Variants in RAB7A observed in about 807,000 individuals in gnomAD.
The protein encoded by RAB7A is RAB7A, member RAS oncogene family.
A neutral mutation model predicts 24.5 loss-of-function variants in RAB7A; 2 were observed. The ratio of observed to expected loss-of-function variants is 0.08; its 90% CI spans 0.03 to 0.26. The LOEUF (loss-of-function observed/expected upper bound fraction) is 0.26. RAB7A is among the 10% of genes least tolerant of loss of function. The probability of loss-of-function intolerance (pLI) is 1.00; values close to 1 mark genes in which losing one functional copy is unlikely to be tolerated. For synonymous variants in RAB7A, 100 were observed against 95.9 expected (o/e 1.04, Z -0.25); for missense variants, 118 against 255.7 (o/e 0.46, Z 3.67).
At chr3:128,755,404 A>G (rs2070721089) in intron 1 of RAB7A, among the ~76,000 whole-genome samples, 1 of 152,206 alleles carries the variant, frequency 6.6e-6, no homozygotes, top group Non-Finnish European at 1.5e-5. Flanking sequence ...CATTAAAAAA[A>G]GGATGAAGAT....
At chr3:128,792,129 G>A (rs1192158295) in intron 1 of RAB7A, among the ~76,000 whole-genome samples, 1 of 152,224 alleles carries the variant, frequency 6.6e-6, no homozygotes, top group Non-Finnish European at 1.5e-5. Flanking sequence ...TAGACATTAA[G>A]ACGTAAGGTG....
intron 1 of RAB7A, among the ~76,000 whole-genome samples, chr3:128,754,973 G>A (rs2070717103): frequency 6.6e-6 from 1 of 152,138 alleles, no homozygotes; most frequent in East Asian, 1.9e-4. Context: ...GGTAAGTAGG[G>A]AAATAGAATA....
chr3:128,732,301 G>A (rs138086313), intron 1 of RAB7A, among the ~76,000 whole-genome samples: 8,083 of 151,788 alleles, frequency 0.053, 225 homozygotes, highest in Non-Finnish European at 0.058. Context: ...GCCTCCCAAG[G>A]TGCTGGGATT....
chr3:128,802,665 G>A (rs12497923), intron 3 of RAB7A, among the ~76,000 whole-genome samples: 65,021 of 151,172 alleles, frequency 0.43, 16,833 homozygotes, highest in Non-Finnish European at 0.58. Context: ...GTGCCACCAC[G>A]CCCAGCTAAT....
intron 1 of RAB7A, among the ~76,000 whole-genome samples, chr3:128,770,005 C>CTTTTTTTT (rs766245243): frequency 7.1e-6 from 1 of 140,776 alleles, no homozygotes. Flanking sequence ...TTCCTTTTTT[C>CTTTTTTTT]TTTTTTTTTT....
intron 1 of RAB7A, chr3:128,765,095 G>C (rs1196715209): frequency 1.2e-6 from 1 of 823,696 alleles, no homozygotes; most frequent in Non-Finnish European, 2.0e-6. Flanking sequence ...TGGTCCGAGG[G>C]TGCAGTGAAG....
chr3:128,770,232 A>G (rs1336227592), intron 1 of RAB7A, among the ~76,000 whole-genome samples: 1 of 151,820 alleles, frequency 6.6e-6, no homozygotes, highest in South Asian at 2.1e-4. Flanking sequence ...CGAACTCCTG[A>G]CCTTGTGATC....
chr3:128,786,449 TCACTCTGAGCCTTG>T (rs1223375050), intron 1 of RAB7A, among the ~76,000 whole-genome samples: 3 of 152,170 alleles, frequency 2.0e-5, no homozygotes, highest in African/African-American at 7.2e-5. Flanking sequence ...CTTGCCTACT[TCACTCTGAGCCTTG>T]AAGTCAATCA....
intron 1 of RAB7A, among the ~76,000 whole-genome samples, chr3:128,784,780 C>T (rs981438120): frequency 5.9e-5 from 9 of 152,130 alleles, no homozygotes; most frequent in Non-Finnish European, 1.3e-4. Flanking sequence ...TTAAAGTAAA[C>T]TTAACACGTC....
At chr3:128,768,097 C>A (rs1001673878) in intron 1 of RAB7A, among the ~76,000 whole-genome samples, 2 of 152,136 alleles carry the variant, frequency 1.3e-5, no homozygotes, top group Non-Finnish European at 2.9e-5. Context: ...CTTCCTTACC[C>A]CTCTCCAGGT....
intron 1 of RAB7A, among the ~76,000 whole-genome samples, chr3:128,778,154 G>A (rs926974714): frequency 1.3e-5 from 2 of 152,190 alleles, no homozygotes; most frequent in Non-Finnish European, 2.9e-5. Flanking sequence ...CCTTAGAATT[G>A]TTTAGACCAA....
chr3:128,759,234 TTAAG>T (rs1272599891), intron 1 of RAB7A, among the ~76,000 whole-genome samples: 3 of 152,194 alleles, frequency 2.0e-5, no homozygotes, highest in Admixed American at 6.5e-5. Context: ...AGGAATAAGA[TTAAG>T]TAAACTGTGT....
intron 1 of RAB7A, among the ~76,000 whole-genome samples, chr3:128,786,551 G>A (rs1243088979): frequency 6.6e-6 from 1 of 152,146 alleles, no homozygotes; most frequent in Non-Finnish European, 1.5e-5. Context: ...AAAATGAGAT[G>A]GACAGAGAGA....
chr3:128,744,206 T>TCACATCACTGCACTC (rs1458650028), intron 1 of RAB7A, among the ~76,000 whole-genome samples: 5 of 151,888 alleles, frequency 3.3e-5, no homozygotes, highest in Non-Finnish European at 5.9e-5. Context: ...TGAGTTATGG[T>TCACATCACTGCACTC]CACATCACTG....
At chr3:128,733,191 CCTTT>C (rs1383699801) in intron 1 of RAB7A, among the ~76,000 whole-genome samples, 1 of 152,164 alleles carries the variant, frequency 6.6e-6, no homozygotes, top group Non-Finnish European at 1.5e-5. Context: ...CTCTTAGTCT[CCTTT>C]AAGTCATTAT....
chr3:128,758,439 A>AT (rs71618163), intron 1 of RAB7A, among the ~76,000 whole-genome samples: 15,092 of 150,270 alleles, frequency 0.1, 802 homozygotes, highest in South Asian at 0.16. Flanking sequence ...CGCCCAGCTA[A>AT]TTTTTTTTTG....
intron 1 of RAB7A, among the ~76,000 whole-genome samples, chr3:128,742,047 C>T (rs560876623): frequency 2.6e-4 from 40 of 152,182 alleles, no homozygotes; most frequent in African/African-American, 9.6e-4. Flanking sequence ...TTAAAGATAG[C>T]GTGTCCAGAG....
chr3:128,766,171 A>G (rs750198629), intron 1 of RAB7A, among the ~76,000 whole-genome samples: 23 of 152,314 alleles, frequency 1.5e-4, no homozygotes, highest in East Asian at 5.8e-4. Context: ...ATGTACACCA[A>G]TGTAAAAATT....
At chr3:128,792,382 C>T (rs991159486) in intron 1 of RAB7A, among the ~76,000 whole-genome samples, 2 of 152,092 alleles carry the variant, frequency 1.3e-5, no homozygotes, top group African/African-American at 4.8e-5. Flanking sequence ...CTTTGCATAT[C>T]CTTTTATCAT....
Sources: gnomAD v4.1 joint callset for allele counts (sites outside exome capture counted in the v4.1 genomes callset) on GRCh38, gnomAD v4.1.1 for gene constraint, MANE v1.5 for transcripts, NCBI Gene and HGNC (gene_info 2026-07-23, HGNC 2026-07-21) for gene names.